The following UGT1A8 variants were observed in gnomAD, a reference collection of about 807,000 sequenced individuals.
UGT1A8 encodes the protein UDP glucuronosyltransferase family 1 member A8, also known as UDP-glucuronosyltransferase 1A8.
Under a neutral mutation model 45.3 loss-of-function variants are expected in UGT1A8, and 39 were observed. The observed-to-expected ratio is 0.86, with a 90% CI of 0.67 to 1.12. The LOEUF (loss-of-function observed/expected upper bound fraction) is 1.12, where lower values mean the gene tolerates loss of function less well. UGT1A8 is among the 50% of genes most tolerant of loss of function. The probability of loss-of-function intolerance (pLI) is 0.00; values close to 1 mark genes in which losing one functional copy is unlikely to be tolerated. For synonymous variants in UGT1A8, 275 were observed against 249.2 expected (o/e 1.10, Z -0.97); for missense variants, 719 against 664.9 (o/e 1.08, Z -0.90).
chr2:233,670,882 A>C (rs563109203), intron 1 of UGT1A8, among the ~76,000 whole-genome samples: 7 of 152,236 alleles, frequency 4.6e-5, no homozygotes, highest in Non-Finnish European at 8.8e-5. Context: ...TGATAGAACC[A>C]ATCCAGAAAA....
At position 233,618,043 on chromosome 2, in the gene UGT1A8, A is replaced by G; in HGVS notation, c.336A>G (p.Ser112=). The change falls in exon 1 of 5, where the codon TCA becomes TCG. Residue 112 remains serine (S), a synonymous_variant. Coordinates refer to ENST00000373450, the MANE Select transcript of UGT1A8 (RefSeq NM_019076.5). Reference sequence around the variant, plus strand: ...GTTTGTTTTCTCTATTTCTGAGTTCATCCAATGGTTTTTTTAACTTATTTT... The same window carrying G: ...GTTTGTTTTCTCTATTTCTGAGTTCGTCCAATGGTTTTTTTAACTTATTTT... ...VRSLFSLFLS[S]SNGFFNLFFS... 9 of 1,614,092 alleles carry G rather than the reference A, an allele frequency of 5.6e-6. No homozygotes were observed. Among genetic ancestry groups the G allele is most frequent in the Non-Finnish European group, 7.6e-6 (9 of 1,180,020 alleles).
chr2:233,722,502 G>A (rs773612729), intron 1 of UGT1A8, among the ~76,000 whole-genome samples: 5 of 152,056 alleles, frequency 3.3e-5, no homozygotes, highest in African/African-American at 9.7e-5. Context: ...TTTCCGTTTC[G>A]TTAATTGCAG....
chr2:233,720,704 CT>C (rs796417980), intron 1 of UGT1A8, among the ~76,000 whole-genome samples: 3,410 of 139,098 alleles, frequency 0.025, 114 homozygotes, highest in African/African-American at 0.077. Flanking sequence ...GGGAGCCATC[CT>C]TTTTTTTTTT....
intron 1 of UGT1A8, among the ~76,000 whole-genome samples, chr2:233,670,983 T>C (rs1375000973): frequency 6.6e-6 from 1 of 152,192 alleles, no homozygotes; most frequent in Admixed American, 6.5e-5. Context: ...AGCAGGCTTA[T>C]GGATGGGGGC....
At chr2:233,751,396 T>C (rs939071089) in intron 1 of UGT1A8, among the ~76,000 whole-genome samples, 1 of 152,154 alleles carries the variant, frequency 6.6e-6, no homozygotes, top group African/African-American at 2.4e-5. Context: ...CAGATAAGAC[T>C]TTGGACTATG....
chr2:233,653,474 A>G (rs2073786580), intron 1 of UGT1A8, among the ~76,000 whole-genome samples: 1 of 152,208 alleles, frequency 6.6e-6, no homozygotes, highest in Non-Finnish European at 1.5e-5. Flanking sequence ...TCAGGTTTGC[A>G]GCTTTGATCA....
intron 1 of UGT1A8, among the ~76,000 whole-genome samples, chr2:233,707,217 C>T (rs1226493967): frequency 6.6e-6 from 1 of 152,140 alleles, no homozygotes; most frequent in African/African-American, 2.4e-5. Flanking sequence ...CATCTTTTCT[C>T]TGACTTTTGT....
chr2:233,768,582 CTTTTTTTT>C (rs139595073), intron 4 of UGT1A8, 143 bp downstream of exon 4: 33 of 1,033,056 alleles, frequency 3.2e-5, no homozygotes, highest in Middle Eastern at 4.0e-4. Context: ...TTTATTTCTT[CTTTTTTTT>C]TTTTTTTTTT....
At chr2:233,758,212 G>A (rs377480824) in intron 1 of UGT1A8, among the ~76,000 whole-genome samples, 4 of 152,326 alleles carry the variant, frequency 2.6e-5, no homozygotes, top group African/African-American at 9.6e-5. Context: ...GTTCTCTGTT[G>A]TAATTCATGA....
At chr2:233,651,640 C>T (rs879627395) in intron 1 of UGT1A8, among the ~76,000 whole-genome samples, 3 of 152,182 alleles carry the variant, frequency 2.0e-5, no homozygotes, top group Admixed American at 2.0e-4. Context: ...CCTATGGACA[C>T]TGGATTTCTC....
At chr2:233,731,154 A>G (rs2125760855) in intron 1 of UGT1A8, among the ~76,000 whole-genome samples, 1 of 152,228 alleles carries the variant, frequency 6.6e-6, no homozygotes, top group East Asian at 1.9e-4. Context: ...TTTCTTTTTG[A>G]TCAAACGACA....
chr2:233,638,863 G>A (rs1408951270), intron 1 of UGT1A8, among the ~76,000 whole-genome samples: 3 of 152,184 alleles, frequency 2.0e-5, no homozygotes, highest in African/African-American at 7.2e-5. Context: ...TCAAAATTAG[G>A]CATGACTTTC....
chr2:233,733,661 T>A (rs1200789776), intron 1 of UGT1A8, among the ~76,000 whole-genome samples: 1 of 152,240 alleles, frequency 6.6e-6, no homozygotes, highest in Non-Finnish European at 1.5e-5. Context: ...GAAGCCGACT[T>A]GATCGATGTG....
At chr2:233,743,902 G>A (rs770691045) in intron 1 of UGT1A8, 7 of 1,366,518 alleles carry the variant, frequency 5.1e-6, no homozygotes, top group South Asian at 1.1e-5. Context: ...CCAGCACCTC[G>A]TAGTAGTCCA....
chr2:233,624,318 T>C (rs1482597619), intron 1 of UGT1A8, among the ~76,000 whole-genome samples: 1 of 152,146 alleles, frequency 6.6e-6, no homozygotes, highest in African/African-American at 2.4e-5. Context: ...TTTTGAGCAG[T>C]CCTGGTCAGG....
intron 1 of UGT1A8, chr2:233,636,903 G>T: frequency 6.2e-7 from 1 of 1,614,092 alleles, no homozygotes; most frequent in Non-Finnish European, 8.5e-7. Flanking sequence ...GCAGGAGTTT[G>T]TTTAATGACC....
At chr2:233,761,015 C>A (rs568151745) in intron 1 of UGT1A8, 1 of 1,614,218 alleles carries the variant, frequency 6.2e-7, no homozygotes, top group Admixed American at 1.7e-5. Flanking sequence ...AGAGAGGTGA[C>A]TGTCCAGGAC....
Position 233,768,419 on chromosome 2 carries a change from A to G in UGT1A8, c.1275A>G (p.Lys425=), listed in dbSNP as rs766292651. ...CTGAAGATTTAGAAAATGCTCTAAA[A>G]GCAGTCATCAATGACAAAAGGTAAG... The part of the protein sequence containing the change: ...MTSEDLENAL[K]AVINDKSYKE... Residue 425 remains lysine (K), a synonymous_variant, in exon 4 of 5, where the codon AAA becomes AAG. Transcript: ENST00000373450. 1 of 1,614,170 alleles carries G rather than the reference A, an allele frequency of 6.2e-7. No individual in the cohort carries two copies. Among genetic ancestry groups the G allele is most frequent in the Non-Finnish European group, 8.5e-7 (1 of 1,180,020 alleles).
intron 1 of UGT1A8, among the ~76,000 whole-genome samples, chr2:233,705,699 T>A (rs2075866580): frequency 6.6e-6 from 1 of 152,196 alleles, no homozygotes; most frequent in Admixed American, 6.5e-5. Context: ...GGTATAAAAA[T>A]TCACCAGTAT....
Sources: gnomAD v4.1 joint callset for allele counts (sites outside exome capture counted in the v4.1 genomes callset) on GRCh38, gnomAD v4.1.1 for gene constraint, MANE v1.5 for transcripts, NCBI Gene and HGNC (gene_info 2026-07-23, HGNC 2026-07-21) for gene names.